EXT2: variants seen among roughly 807,000 people sequenced by gnomAD.
EXT2 encodes the protein exostosin glycosyltransferase 2.
A neutral mutation model predicts 81.6 loss-of-function variants in EXT2; 53 were observed. The observed-to-expected ratio is 0.65, with a 90% CI of 0.52 to 0.82. The LOEUF is 0.82. Among genes scored for constraint, EXT2 ranks in the 40% least tolerant of loss-of-function variants. The pLI, the probability that EXT2 is intolerant of heterozygous loss-of-function variation, is 0.00. For synonymous variants in EXT2, 320 were observed against 340.0 expected (o/e 0.94, Z 0.65); for missense variants, 774 against 910.2 (o/e 0.85, Z 1.93).
intron 7 of EXT2, among the ~76,000 whole-genome samples, chr11:44,152,924 T>G (rs917131389): frequency 3.9e-5 from 6 of 152,244 alleles, no homozygotes; most frequent in African/African-American, 1.4e-4. Flanking sequence ...TCTTGATGAC[T>G]GTAGCTTTAT....
At chr11:44,193,517 G>T (rs1237165715) in intron 8 of EXT2, among the ~76,000 whole-genome samples, 1 of 152,190 alleles carries the variant, frequency 6.6e-6, no homozygotes, top group East Asian at 1.9e-4. Flanking sequence ...TAAGTACTTT[G>T]CCCAGGCTAT....
At chr11:44,201,958 C>T (rs548511739) in intron 9 of EXT2, among the ~76,000 whole-genome samples, 1 of 152,194 alleles carries the variant, frequency 6.6e-6, no homozygotes, top group Non-Finnish European at 1.5e-5. Context: ...TGGTACTTCT[C>T]TTTCATGGAG....
intron 10 of EXT2, among the ~76,000 whole-genome samples, chr11:44,230,081 G>A (rs1045574671): frequency 1.3e-5 from 2 of 152,212 alleles, no homozygotes; most frequent in African/African-American, 4.8e-5. Flanking sequence ...CTGGTTGCGG[G>A]TGCTGTTTGC....
At chr11:44,205,746 C>G (rs1211095952) in intron 9 of EXT2, among the ~76,000 whole-genome samples, 4 of 152,266 alleles carry the variant, frequency 2.6e-5, no homozygotes, top group Non-Finnish European at 4.4e-5. Flanking sequence ...TTTGGAGTGG[C>G]CAGGAGCGCT....
At chr11:44,222,753 T>A (rs80339737) in intron 10 of EXT2, among the ~76,000 whole-genome samples, 514 of 152,004 alleles carry the variant, frequency 3.4e-3, no homozygotes, top group Non-Finnish European at 5.1e-3. Flanking sequence ...ACCAAAAGCA[T>A]GATCCATAAA....
intron 7 of EXT2, among the ~76,000 whole-genome samples, chr11:44,143,672 G>A (rs112162171): frequency 3.3e-5 from 5 of 152,204 alleles, no homozygotes; most frequent in African/African-American, 1.2e-4. Context: ...CTTTCTACCA[G>A]CAAGCAGTTC....
intron 7 of EXT2, among the ~76,000 whole-genome samples, chr11:44,141,024 G>A (rs1565209539): frequency 1.3e-5 from 2 of 152,136 alleles, no homozygotes; most frequent in Admixed American, 1.3e-4. Context: ...TTTATTACTC[G>A]TGTAGCTGTT....
chr11:44,106,272 C>T (rs1490098778), intron 1 of EXT2, among the ~76,000 whole-genome samples: 2 of 152,054 alleles, frequency 1.3e-5, no homozygotes, highest in South Asian at 2.1e-4. Context: ...ATGAATCTAC[C>T]ACATTGGCCC....
intron 7 of EXT2, among the ~76,000 whole-genome samples, chr11:44,150,718 C>A (rs1954781169): frequency 6.6e-6 from 1 of 152,112 alleles, no homozygotes; most frequent in South Asian, 2.1e-4. Flanking sequence ...CTCCTTAATC[C>A]ATTTATAATT....
At chr11:44,160,104 G>C (rs565540240) in intron 7 of EXT2, among the ~76,000 whole-genome samples, 42 of 152,210 alleles carry the variant, frequency 2.8e-4, no homozygotes, top group Non-Finnish European at 4.7e-4. Flanking sequence ...GTGAGAACCT[G>C]GTTGAACAAA....
intron 4 of EXT2, among the ~76,000 whole-genome samples, 191 bp from the exon 5 acceptor site, chr11:44,124,598 C>T (rs376501306): frequency 2.0e-5 from 3 of 152,076 alleles, no homozygotes; most frequent in African/African-American, 7.2e-5. Context: ...GTGAATGAAT[C>T]ATATCTTACT....
intron 10 of EXT2, among the ~76,000 whole-genome samples, chr11:44,216,158 G>T (rs1364601670): frequency 1.3e-5 from 2 of 151,624 alleles, no homozygotes; most frequent in South Asian, 4.2e-4. Flanking sequence ...TTACAGGCGT[G>T]AGCCACCGCG....
intron 7 of EXT2, among the ~76,000 whole-genome samples, chr11:44,156,881 A>G (rs1954862519): frequency 6.6e-6 from 1 of 152,166 alleles, no homozygotes; most frequent in South Asian, 2.1e-4. Context: ...CTTTCTACGT[A>G]TTCAAAGGAA....
intron 7 of EXT2, among the ~76,000 whole-genome samples, chr11:44,155,148 G>C (rs974575897): frequency 1.3e-5 from 2 of 151,926 alleles, no homozygotes; most frequent in Non-Finnish European, 2.9e-5. Flanking sequence ...CTGTGCTTTG[G>C]GGGTATTACT....
chr11:44,167,559 T>G (rs1360190912), intron 7 of EXT2, among the ~76,000 whole-genome samples: 2 of 152,164 alleles, frequency 1.3e-5, no homozygotes, highest in African/African-American at 2.4e-5. Flanking sequence ...CTGACTGTAC[T>G]CTTACACCTG....
At chr11:44,239,749 T>C (rs1956014836) in intron 13 of EXT2, among the ~76,000 whole-genome samples, 1 of 145,716 alleles carries the variant, frequency 6.9e-6, no homozygotes, top group African/African-American at 2.6e-5. Flanking sequence ...CTCAAATCAG[T>C]CTCTGTATAT....
At chr11:44,181,856 T>C (rs1203073705) in intron 8 of EXT2, among the ~76,000 whole-genome samples, 2 of 152,222 alleles carry the variant, frequency 1.3e-5, no homozygotes, top group African/African-American at 2.4e-5. Flanking sequence ...GGCAGTCTGC[T>C]CTTATTTGAG....
rs187063478 is a variant in EXT2, at chr11:44,140,716, A to G, written c.1173+10578A>G. Among the ~76,000 whole-genome samples the G allele has an allele frequency of 8.5e-5, 13 of 152,334 alleles. No individual in the cohort carries two copies. The East Asian group carries it at 2.1e-3, about 25-fold the overall frequency. ...TGGGTAGAATAAGCCCTTAGAATGTACTTTATATCTTCCTGCTCTTCTTCT... is the reference window on the plus strand; with the variant it reads ...TGGGTAGAATAAGCCCTTAGAATGTGCTTTATATCTTCCTGCTCTTCTTCT... On this transcript the variant is annotated intron_variant, in intron 7 of 13. Transcript: ENST00000533608.
intron 7 of EXT2, among the ~76,000 whole-genome samples, chr11:44,156,377 G>A (rs1447371604): frequency 6.6e-6 from 1 of 152,020 alleles, no homozygotes; most frequent in Admixed American, 6.6e-5. Context: ...TCGCCCTTTT[G>A]AAGCTACTTT....
Sources: allele counts gnomAD v4.1 joint callset (sites outside exome capture counted in the v4.1 genomes callset), GRCh38; gene constraint gnomAD v4.1.1; transcripts MANE v1.5; gene names NCBI Gene and HGNC (gene_info 2026-07-23, HGNC 2026-07-21).